Variants in NAALADL2 observed in about 807,000 individuals in gnomAD.
NAALADL2 encodes inactive N-acetylated-alpha-linked acidic dipeptidase-like protein 2.
Under a neutral mutation model 87.2 loss-of-function variants are expected in NAALADL2, and 76 were observed. That is an observed-to-expected ratio of 0.87 (90% CI 0.72 to 1.05). The LOEUF (loss-of-function observed/expected upper bound fraction) is 1.05, where lower values mean the gene tolerates loss of function less well. NAALADL2 is among the 50% of genes least tolerant of loss of function. The pLI is 0.00. For synonymous variants in NAALADL2, 354 were observed against 331.0 expected (o/e 1.07, Z -0.75); for missense variants, 1,089 against 945.8 (o/e 1.15, Z -1.99).
At chr3:175,720,087 A>C (rs1011097195) in intron 11 of NAALADL2, among the ~76,000 whole-genome samples, 32 of 152,278 alleles carry the variant, frequency 2.1e-4, no homozygotes, top group African/African-American at 7.0e-4. Flanking sequence ...CCTCTCAGCC[A>C]TTTTTATTTC....
chr3:175,769,935 A>G lies in NAALADL2; in HGVS notation c.2189+14517A>G, dbSNP rs1452075057. On this transcript the variant is annotated intron_variant, in intron 13 of 13. Transcript: ENST00000454872. The stretch of plus-strand genomic sequence containing the variant: ...AATTTAGTTAGAATTTCTATGTTAT[A>G]TTAATAGTCTAAGGCAGATTTTTTT... Among the ~76,000 whole-genome samples, 4 of 152,010 alleles carry G rather than the reference A, an allele frequency of 2.6e-5. No individual in the cohort carries two copies. In the East Asian group the frequency reaches 7.7e-4, roughly 29 times the overall value.
intron 2 of NAALADL2, among the ~76,000 whole-genome samples, chr3:174,652,846 T>A (rs1724511652): frequency 6.6e-6 from 1 of 151,836 alleles, no homozygotes; most frequent in South Asian, 2.1e-4. Context: ...CACATAGATA[T>A]CAAATATAAG....
At chr3:175,590,719 C>G (rs1721319258) in intron 10 of NAALADL2, among the ~76,000 whole-genome samples, 1 of 152,036 alleles carries the variant, frequency 6.6e-6, no homozygotes, top group African/African-American at 2.4e-5. Context: ...TTGATTCAAT[C>G]TACTACAAGG....
At chr3:175,339,300 T>C (rs1394119662) in intron 5 of NAALADL2, among the ~76,000 whole-genome samples, 2 of 152,222 alleles carry the variant, frequency 1.3e-5, no homozygotes, top group Admixed American at 6.5e-5. Flanking sequence ...TTAGGTTCCA[T>C]CGGCTGAGTG....
chr3:175,274,581 A>C (rs942275201), intron 4 of NAALADL2, among the ~76,000 whole-genome samples: 1 of 152,306 alleles, frequency 6.6e-6, no homozygotes, highest in African/African-American at 2.4e-5. Flanking sequence ...AGAATTAACC[A>C]GTGAGAAAAG....
At chr3:174,928,048 G>C (rs1736344254) in intron 1 of NAALADL2, among the ~76,000 whole-genome samples, 1 of 151,976 alleles carries the variant, frequency 6.6e-6, no homozygotes, top group African/African-American at 2.4e-5. Context: ...TATATTTATA[G>C]GAAAAAGTGA....
At chr3:174,787,608 T>TACATATATATATATACACAC (rs1284867078) in intron 3 of NAALADL2, among the ~76,000 whole-genome samples, 1 of 109,340 alleles carries the variant, frequency 9.1e-6, no homozygotes, top group African/African-American at 3.0e-5. Context: ...TATATATATA[T>TACATATATATATATACACAC]ATATATATAT....
At chr3:175,699,743 T>C (rs1262496101) in intron 11 of NAALADL2, among the ~76,000 whole-genome samples, 3 of 152,086 alleles carry the variant, frequency 2.0e-5, no homozygotes, top group African/African-American at 7.2e-5. Context: ...TGAGTGACAA[T>C]TAGAAAGATA....
At chr3:175,092,846 C>G (rs1187566473) in intron 1 of NAALADL2, among the ~76,000 whole-genome samples, 2 of 151,794 alleles carry the variant, frequency 1.3e-5, no homozygotes, top group Admixed American at 1.3e-4. Context: ...AAAGAGATGT[C>G]ACCTAAGTGA....
At chr3:174,696,288 T>C (rs907761090) in intron 2 of NAALADL2, among the ~76,000 whole-genome samples, 3 of 151,986 alleles carry the variant, frequency 2.0e-5, no homozygotes, top group Admixed American at 1.3e-4. Flanking sequence ...TACTTGGAGC[T>C]ATGGTGGCTT....
At chr3:174,838,398 G>A (rs1284479545) in intron 3 of NAALADL2, among the ~76,000 whole-genome samples, 2 of 152,102 alleles carry the variant, frequency 1.3e-5, no homozygotes, top group Non-Finnish European at 2.9e-5. Flanking sequence ...TACTGAATGG[G>A]GAAAAGTTGA....
chr3:174,478,750 C>G (rs1717367001), intron 1 of NAALADL2, among the ~76,000 whole-genome samples: 1 of 152,114 alleles, frequency 6.6e-6, no homozygotes, highest in Admixed American at 6.6e-5. Flanking sequence ...CTTGTTCTGT[C>G]ACCCAGGCTA....
At chr3:175,136,152 G>T (rs1729079838) in intron 2 of NAALADL2, among the ~76,000 whole-genome samples, 1 of 152,182 alleles carries the variant, frequency 6.6e-6, no homozygotes, top group Non-Finnish European at 1.5e-5. Context: ...AGTGCTTCTG[G>T]TTTCTGAAGG....
At chr3:175,573,598 T>A (rs1433765629) in intron 9 of NAALADL2, among the ~76,000 whole-genome samples, 1 of 152,106 alleles carries the variant, frequency 6.6e-6, no homozygotes, top group Non-Finnish European at 1.5e-5. Flanking sequence ...AACAAATACC[T>A]CCAGAGGTGC....
At chr3:175,303,497 AT>A (rs1238407249) in intron 4 of NAALADL2, among the ~76,000 whole-genome samples, 1 of 152,038 alleles carries the variant, frequency 6.6e-6, no homozygotes, top group African/African-American at 2.4e-5. Context: ...TCTTAATCTG[AT>A]TTTTCTACTT....
chr3:175,602,228 A>G (rs1177513369), intron 10 of NAALADL2, among the ~76,000 whole-genome samples: 1 of 152,144 alleles, frequency 6.6e-6, no homozygotes, highest in African/African-American at 2.4e-5. Context: ...AGTTTAGTAT[A>G]CAGGTGAATA....
intron 1 of NAALADL2, among the ~76,000 whole-genome samples, chr3:174,456,180 AC>A (rs1170849104): frequency 1.3e-5 from 2 of 152,122 alleles, no homozygotes; most frequent in Non-Finnish European, 2.9e-5. Flanking sequence ...TGTAATGAGA[AC>A]TACAAAACAC....
intron 2 of NAALADL2, among the ~76,000 whole-genome samples, chr3:175,117,639 G>A (rs1443980257): frequency 1.3e-5 from 2 of 150,692 alleles, no homozygotes; most frequent in African/African-American, 2.5e-5. Flanking sequence ...AGGATGTGGA[G>A]AAATAGGAAC....
chr3:175,808,490 G>A lies in NAALADL2; in HGVS notation c.*5287G>A, dbSNP rs1754894557. On this transcript the variant is annotated 3_prime_UTR_variant, in exon 14 of 14. Coordinates refer to ENST00000454872, the MANE Select transcript of NAALADL2 (RefSeq NM_207015.3). Reference sequence around the variant, plus strand: ...CACCATTCAGTCAAGACTTAACTCAGAGGCAGTTGATTCAGTGCTTACATC... The same window carrying A: ...CACCATTCAGTCAAGACTTAACTCAAAGGCAGTTGATTCAGTGCTTACATC... 1 of 152,000 alleles carries A rather than the reference G, an allele frequency of 6.6e-6. No individual in the cohort carries two copies. The highest frequency in any genetic ancestry group is 1.5e-5 in the Non-Finnish European group (1 of 67,954). The allele number at this position is 152,000 out of a possible 1,614,324, so 9.4% of individuals were successfully genotyped here.
Sources: gnomAD v4.1 joint callset for allele counts (sites outside exome capture counted in the v4.1 genomes callset) on GRCh38, gnomAD v4.1.1 for gene constraint, MANE v1.5 for transcripts, NCBI Gene and HGNC (gene_info 2026-07-23, HGNC 2026-07-21) for gene names.